The following EPB41 variants were observed in gnomAD, a reference collection of about 807,000 sequenced individuals.
EPB41 encodes the protein erythrocyte membrane protein band 4.1.
In EPB41, 65 loss-of-function variants were observed where a neutral mutation model predicts 108.0. That is an observed-to-expected ratio of 0.60 (90% CI 0.49 to 0.74). EPB41 has a LOEUF of 0.74. Among genes scored for constraint, EPB41 ranks in the 30% least tolerant of loss-of-function variants. The pLI, the probability that EPB41 is intolerant of heterozygous loss-of-function variation, is 0.00. For missense variants in EPB41, 875 were observed against 1,037.0 expected (o/e 0.84, Z 2.15); for synonymous variants, 336 against 358.9 (o/e 0.94, Z 0.72).
chr1:28,949,222 C>T (rs1386084046), intron 1 of EPB41, among the ~76,000 whole-genome samples: 2 of 152,146 alleles, frequency 1.3e-5, no homozygotes, highest in Non-Finnish European at 2.9e-5. Context: ...GGTGGGAAAA[C>T]TGCTTGAGCT....
intron 1 of EPB41, chr1:28,982,242 GCTT>G: frequency 4.6e-6 from 2 of 439,380 alleles, no homozygotes; most frequent in Non-Finnish European, 8.8e-6. Flanking sequence ...TTTTATGGCT[GCTT>G]CTTTTTAATT....
At chr1:28,954,720 A>G (rs1234939086) in intron 1 of EPB41, among the ~76,000 whole-genome samples, 1 of 152,154 alleles carries the variant, frequency 6.6e-6, no homozygotes, top group East Asian at 1.9e-4. Context: ...TCATGCCACC[A>G]TGTTTAAGGC....
intron 16 of EPB41, among the ~76,000 whole-genome samples, chr1:29,079,913 C>T (rs1310966266): frequency 6.6e-6 from 1 of 151,908 alleles, no homozygotes; most frequent in African/African-American, 2.4e-5. Context: ...AGGAGAATTG[C>T]TCCGCCTGGG....
intron 1 of EPB41, among the ~76,000 whole-genome samples, chr1:28,968,381 A>T (rs969551074): frequency 1.3e-5 from 2 of 151,842 alleles, no homozygotes; most frequent in Non-Finnish European, 2.9e-5. Flanking sequence ...AAACAAACAA[A>T]ACTCTGTTTT....
chr1:28,985,642 G>C (rs145446318), intron 1 of EPB41: 69 of 152,136 alleles, frequency 4.5e-4, no homozygotes, highest in African/African-American at 1.6e-3. Flanking sequence ...GCCTGAAGAG[G>C]GAATGAGCTA....
chr1:28,975,660 C>G (rs2095586773), intron 1 of EPB41, among the ~76,000 whole-genome samples: 1 of 152,010 alleles, frequency 6.6e-6, no homozygotes. Flanking sequence ...CACGTACACT[C>G]TGGAAAGAGT....
intron 17 of EPB41, among the ~76,000 whole-genome samples, chr1:29,107,890 G>A (rs1438354670): frequency 4.7e-5 from 7 of 149,004 alleles, no homozygotes; most frequent in Non-Finnish European, 7.4e-5. Context: ...TTAGCCGGGC[G>A]TGGTGGCGCG....
intron 16 of EPB41, among the ~76,000 whole-genome samples, chr1:29,092,521 A>G (rs1032966343): frequency 2.0e-5 from 3 of 152,210 alleles, no homozygotes; most frequent in Non-Finnish European, 4.4e-5. Flanking sequence ...GTCACTTGCC[A>G]TAACATTTGG....
At position 29,058,819 on chromosome 1, in the gene EPB41, A is replaced by G; in HGVS notation, c.1911A>G (p.Ala637=). The G allele has an allele frequency of 1.3e-6, 2 of 1,548,300 alleles. No homozygotes were observed. The highest frequency in any genetic ancestry group is 2.4e-5 in the South Asian group (2 of 82,568). ...TSNGDQTQKL[A]EKTEDLIRMR... The stretch of plus-strand genomic sequence containing the variant: ...AAATTATGGCAAAACAGAAGCTTGC[A>G]GAAAAAACTGAAGATCTGATAAGAA... The change falls in exon 14 of 21, where the codon GCA becomes GCG. Residue 637 remains alanine, a synonymous_variant. Coordinates refer to ENST00000343067, the MANE Select transcript of EPB41 (RefSeq NM_001376013.1).
At chr1:28,919,139 A>G (rs960379836) in intron 1 of EPB41, among the ~76,000 whole-genome samples, 3 of 152,222 alleles carry the variant, frequency 2.0e-5, no homozygotes, top group Non-Finnish European at 4.4e-5. Context: ...CCTTACTGAC[A>G]CTTTGCTTCA....
chr1:29,093,418 T>C (rs1175796051), intron 16 of EPB41, among the ~76,000 whole-genome samples: 1 of 152,238 alleles, frequency 6.6e-6, no homozygotes, highest in Admixed American at 6.5e-5. Context: ...GTAAATTTGT[T>C]TAAGTTTCTT....
At chr1:28,944,828 C>T (rs951622729) in intron 1 of EPB41, among the ~76,000 whole-genome samples, 2 of 151,444 alleles carry the variant, frequency 1.3e-5, no homozygotes, top group African/African-American at 2.4e-5. Flanking sequence ...TAATGTAATG[C>T]CTGTAATCCT....
chr1:29,069,188 A>T (rs1463776679), intron 16 of EPB41: 1 of 1,230,980 alleles, frequency 8.1e-7, no homozygotes, highest in South Asian at 4.1e-5. Flanking sequence ...TTTCTCCCTG[A>T]TACATATCAC....
intron 15 of EPB41, among the ~76,000 whole-genome samples, chr1:29,061,410 C>T (rs918815561): frequency 6.6e-6 from 1 of 151,972 alleles, no homozygotes; most frequent in African/African-American, 2.4e-5. Flanking sequence ...GCTGGGACTA[C>T]AGGCGCCCGC....
At chr1:29,002,079 A>G (rs1050511134) in intron 4 of EPB41, among the ~76,000 whole-genome samples, 2 of 152,198 alleles carry the variant, frequency 1.3e-5, no homozygotes, top group African/African-American at 4.8e-5. Context: ...AATGGGAATG[A>G]TAATGAGATA....
chr1:28,924,802 T>C (rs2093345619), intron 1 of EPB41, among the ~76,000 whole-genome samples: 2 of 152,026 alleles, frequency 1.3e-5, no homozygotes, highest in Non-Finnish European at 1.5e-5. Flanking sequence ...TTGTGCAGCT[T>C]ATTTCTTTTT....
chr1:28,895,626 A>T (rs548657476), intron 1 of EPB41, among the ~76,000 whole-genome samples: 143 of 152,230 alleles, frequency 9.4e-4, no homozygotes, highest in African/African-American at 2.8e-3. Flanking sequence ...AGTAGCTGGG[A>T]CTACAGGCGT....
At chr1:29,068,917 C>T (rs1649851219) in intron 16 of EPB41, 1 of 761,916 alleles carries the variant, frequency 1.3e-6, no homozygotes, top group Non-Finnish European at 1.8e-6. Context: ...AGTAAATTCA[C>T]ACCCACAGCC....
At chr1:28,982,930 A>T (rs891001336) in intron 1 of EPB41, among the ~76,000 whole-genome samples, 13 of 152,142 alleles carry the variant, frequency 8.5e-5, no homozygotes, top group South Asian at 4.1e-4. Flanking sequence ...ATTTTTTTTT[A>T]AATTCCTTTT....
Sources: allele counts gnomAD v4.1 joint callset (sites outside exome capture counted in the v4.1 genomes callset), GRCh38; gene constraint gnomAD v4.1.1; transcripts MANE v1.5; gene names NCBI Gene and HGNC (gene_info 2026-07-23, HGNC 2026-07-21).